Variants in KLF8 observed in about 807,000 individuals in gnomAD.
The protein encoded by KLF8 is Krueppel-like factor 8.
In KLF8, 10 loss-of-function variants were observed where a neutral mutation model predicts 18.2. The observed-to-expected ratio is 0.55, with a 90% CI of 0.34 to 0.93. The LOEUF (loss-of-function observed/expected upper bound fraction) is 0.93. Among genes scored for constraint, KLF8 ranks in the 40% least tolerant of loss-of-function variants. The probability of loss-of-function intolerance (pLI) is 0.02; values close to 1 mark genes in which losing one functional copy is unlikely to be tolerated. For synonymous variants in KLF8, 109 were observed against 97.3 expected, an observed-to-expected ratio of 1.12 and a Z score of -0.71; for missense variants, 264 against 277.9, an observed-to-expected ratio of 0.95 and a Z score of 0.36.
the KLF8 span, among the ~76,000 whole-genome samples, chrX:55,953,931 A>G: frequency 2.8e-4 from 31 of 109,408 alleles, no homozygotes; most frequent in African/African-American, 9.9e-4. Context: ...ATCAAATTAT[A>G]TATATATGTA....
chrX:56,124,760 C>A, the KLF8 span, among the ~76,000 whole-genome samples: 2 of 111,540 alleles, frequency 1.8e-5, no homozygotes, highest in Non-Finnish European at 3.8e-5. Flanking sequence ...ATGGCTAAAC[C>A]CAGAGAAAAT....
the KLF8 span, among the ~76,000 whole-genome samples, chrX:56,053,141 G>A: frequency 0.089 from 9,977 of 111,748 alleles, 1,111 homozygotes; most frequent in African/African-American, 0.31. Context: ...CACGGTGCCC[G>A]CACCCACTGA....
chrX:56,223,275 A>G, the KLF8 span, among the ~76,000 whole-genome samples: 1 of 112,927 alleles, frequency 8.9e-6, no homozygotes, highest in Non-Finnish European at 1.9e-5. Flanking sequence ...AGCTTACTAC[A>G]TGTGAAGCAC....
At chrX:55,966,867 A>G in the KLF8 span, among the ~76,000 whole-genome samples, 17 of 112,365 alleles carry the variant, frequency 1.5e-4, no homozygotes, top group East Asian at 1.7e-3. Flanking sequence ...AGGAGACTCA[A>G]TGAAATTCAA....
At chrX:56,024,877 G>A in the KLF8 span, among the ~76,000 whole-genome samples, 79 of 112,288 alleles carry the variant, frequency 7.0e-4, 1 homozygote, top group Non-Finnish European at 1.4e-3. Context: ...TTCTTAAAAT[G>A]GGTACTGAGT....
At chrX:56,073,503 T>C in the KLF8 span, among the ~76,000 whole-genome samples, 1 of 111,625 alleles carries the variant, frequency 9.0e-6, no homozygotes, top group Admixed American at 9.5e-5. Flanking sequence ...ATTGTGGTTG[T>C]ATGCCTGGAG....
At chrX:56,234,987 T>C (rs1339759047) in intron 1 of KLF8, among the ~76,000 whole-genome samples, 1 of 111,785 alleles carries the variant, frequency 8.9e-6, no homozygotes, top group Non-Finnish European at 1.9e-5. Context: ...TTCAGAGCCC[T>C]CAGGAGCTAT....
the KLF8 span, among the ~76,000 whole-genome samples, chrX:55,966,309 C>A: frequency 2.2e-4 from 25 of 112,129 alleles, no homozygotes; most frequent in African/African-American, 7.8e-4. Flanking sequence ...TTGGGTGAGA[C>A]CAAGTGCTTT....
the KLF8 span, among the ~76,000 whole-genome samples, chrX:55,912,911 G>C: frequency 4.4e-4 from 49 of 111,789 alleles, no homozygotes; most frequent in Admixed American, 4.6e-3. Flanking sequence ...TTGGGGCACA[G>C]CAAAATCAAG....
At chrX:56,003,865 GA>G in the KLF8 span, among the ~76,000 whole-genome samples, 1 of 111,986 alleles carries the variant, frequency 8.9e-6, no homozygotes, top group Non-Finnish European at 1.9e-5. Context: ...TGTGTAGCCT[GA>G]AAATCATTTT....
chrX:55,940,271 A>G, the KLF8 span, among the ~76,000 whole-genome samples: 1 of 112,035 alleles, frequency 8.9e-6, no homozygotes, highest in Non-Finnish European at 1.9e-5. Context: ...AACCAAAGAC[A>G]AAAACCACAT....
At chrX:55,949,117 A>G in the KLF8 span, among the ~76,000 whole-genome samples, 2 of 112,034 alleles carry the variant, frequency 1.8e-5, no homozygotes, top group African/African-American at 6.5e-5. Flanking sequence ...GGCAAGGCAA[A>G]TACATCAAGA....
At chrX:55,981,061 C>T in the KLF8 span, among the ~76,000 whole-genome samples, 2 of 111,532 alleles carry the variant, frequency 1.8e-5, no homozygotes, top group East Asian at 2.8e-4. Flanking sequence ...GGCTTGGTGG[C>T]GTGTGCCTAT....
the KLF8 span, among the ~76,000 whole-genome samples, chrX:56,193,294 G>A: frequency 8.9e-6 from 1 of 112,092 alleles, no homozygotes; most frequent in Non-Finnish European, 1.9e-5. Context: ...AGTTAAAATG[G>A]CTTTTATCCA....
At chrX:56,141,123 C>T in the KLF8 span, among the ~76,000 whole-genome samples, 1 of 111,443 alleles carries the variant, frequency 9.0e-6, no homozygotes, top group Non-Finnish European at 1.9e-5. Flanking sequence ...GCCCCTACAC[C>T]AGGCTAATTT....
the KLF8 span, among the ~76,000 whole-genome samples, chrX:56,050,273 T>A: frequency 8.9e-6 from 1 of 112,012 alleles, no homozygotes; most frequent in Non-Finnish European, 1.9e-5. Flanking sequence ...TTCCTTCAGT[T>A]CTGCTGTGAT....
At chrX:56,103,374 T>A in the KLF8 span, among the ~76,000 whole-genome samples, 11 of 111,690 alleles carry the variant, frequency 9.8e-5, no homozygotes, top group Non-Finnish European at 1.9e-4. Flanking sequence ...GTTTGTATCC[T>A]CTTTTATTTC....
the KLF8 span, among the ~76,000 whole-genome samples, chrX:55,967,194 T>C: frequency 1.8e-5 from 2 of 110,524 alleles, no homozygotes; most frequent in African/African-American, 6.6e-5. Context: ...GGATAGAGAG[T>C]TTATTCAAAG....
At chrX:55,908,461 T>C in the KLF8 span, 6 of 295,275 alleles carry the variant, frequency 2.0e-5, no homozygotes, top group East Asian at 2.9e-4. Context: ...AGCTGAGAGA[T>C]ACCAAAAGGA....
Sources: gnomAD v4.1 joint callset for allele counts (sites outside exome capture counted in the v4.1 genomes callset) on GRCh38, gnomAD v4.1.1 for gene constraint, MANE v1.5 for transcripts, NCBI Gene and HGNC (gene_info 2026-07-23, HGNC 2026-07-21) for gene names.